PDE10A: variants seen among roughly 807,000 people sequenced by gnomAD.
The protein encoded by PDE10A is cAMP and cAMP-inhibited cGMP 3',5'-cyclic phosphodiesterase 10A.
Under a neutral mutation model 97.7 loss-of-function variants are expected in PDE10A, and 39 were observed. That is an observed-to-expected ratio of 0.40 (90% CI 0.31 to 0.52). PDE10A has a LOEUF of 0.52. PDE10A is among the 20% of genes least tolerant of loss of function. The pLI, the probability that PDE10A is intolerant of heterozygous loss-of-function variation, is 0.56. For missense variants in PDE10A, 731 were observed against 1,047.8 expected (o/e 0.70, Z 4.17); for synonymous variants, 371 against 376.8 (o/e 0.98, Z 0.18).
intron 8 of PDE10A, 148 bp downstream of exon 8, chr6:165,431,274 T>G (rs1022219099): frequency 1.3e-5 from 6 of 475,398 alleles, no homozygotes; most frequent in African/African-American, 2.0e-5. Flanking sequence ...TATAACTGAT[T>G]AAGTTAAAAT....
chr6:165,399,542 A>G (rs1489698194), intron 13 of PDE10A, among the ~76,000 whole-genome samples: 1 of 152,000 alleles, frequency 6.6e-6, no homozygotes, highest in Non-Finnish European at 1.5e-5. Flanking sequence ...TCAACCCGTC[A>G]TTTAACATTA....
chr6:165,502,196 T>C (rs1184339047), intron 2 of PDE10A, among the ~76,000 whole-genome samples: 3 of 152,150 alleles, frequency 2.0e-5, no homozygotes, highest in South Asian at 2.1e-4. Context: ...GGAGAATATA[T>C]TGAGTTAGGC....
At chr6:165,525,666 C>T (rs1044260441) in intron 2 of PDE10A, among the ~76,000 whole-genome samples, 22 of 152,156 alleles carry the variant, frequency 1.4e-4, no homozygotes, top group African/African-American at 5.3e-4. Flanking sequence ...GCGGGAACCA[C>T]AGTCACTCAA....
At chr6:165,339,229 C>A in intron 20 of PDE10A, 49 bp downstream of exon 20, 1 of 1,073,154 alleles carries the variant, frequency 9.3e-7, no homozygotes, top group Non-Finnish European at 1.5e-6. Context: ...TTATGCCCAC[C>A]TTAAACTATT....
chr6:165,431,402 A>G lies in PDE10A; in HGVS notation c.1542+20T>C. 2.5e-6 allele frequency: 4 copies of G among 1,576,474 alleles called. No individual in the cohort carries two copies. The highest frequency in any genetic ancestry group is 2.6e-6 in the Non-Finnish European group (3 of 1,156,106). The stretch of plus-strand genomic sequence containing the variant: ...TCTTCTCCCTTAGGAAGCCCCTGCA[A>G]AAACACCCCAAAGACTCACCTGCAC... On this transcript the variant is annotated intron_variant, in intron 8 of 21. Coordinates refer to ENST00000539869, the MANE Select transcript of PDE10A (RefSeq NM_001385079.1).
chr6:165,929,728 A>C (rs768215183), intron 1 of PDE10A, among the ~76,000 whole-genome samples: 6 of 152,244 alleles, frequency 3.9e-5, no homozygotes, highest in Non-Finnish European at 5.9e-5. Flanking sequence ...GCGTCCCCAC[A>C]AGAAAATCTG....
chr6:165,518,967 G>C (rs1408169556), intron 2 of PDE10A, among the ~76,000 whole-genome samples: 1 of 152,164 alleles, frequency 6.6e-6, no homozygotes, highest in African/African-American at 2.4e-5. Context: ...ATGCATATCA[G>C]TGCATACAGG....
intron 2 of PDE10A, among the ~76,000 whole-genome samples, chr6:165,494,502 A>G (rs1337160896): frequency 8.9e-5 from 13 of 146,390 alleles, no homozygotes; most frequent in Admixed American, 8.9e-4. Context: ...ACATAGTAGT[A>G]TTCCATGGTG....
intron 3 of PDE10A, among the ~76,000 whole-genome samples, chr6:165,469,580 G>A (rs1056417895): frequency 1.3e-5 from 2 of 152,154 alleles, no homozygotes; most frequent in African/African-American, 4.8e-5. Flanking sequence ...AGATGAATAC[G>A]GACTTTTCTT....
intron 1 of PDE10A, among the ~76,000 whole-genome samples, chr6:165,557,100 C>T (rs117020078): frequency 0.08 from 12,121 of 152,008 alleles, 521 homozygotes; most frequent in Non-Finnish European, 0.09. Flanking sequence ...GGTCGTGCCA[C>T]TGCACTCAAG....
chr6:165,958,763 A>AAGAAAG (rs1341280905), intron 1 of PDE10A, among the ~76,000 whole-genome samples: 2 of 149,646 alleles, frequency 1.3e-5, no homozygotes, highest in African/African-American at 5.0e-5. Flanking sequence ...GAAAGAAAGA[A>AAGAAAG]AGAAGAAAGC....
chr6:165,795,970 TA>T (rs969685777), intron 1 of PDE10A, among the ~76,000 whole-genome samples: 5 of 152,200 alleles, frequency 3.3e-5, no homozygotes, highest in Admixed American at 2.0e-4. Flanking sequence ...GTTGGGTTTT[TA>T]AAAAGCTTTT....
rs1437759618 is a variant in PDE10A at position 165,499,589 on chromosome 6, C to A, written c.995-17246G>T. On this transcript the variant is annotated intron_variant, in intron 2 of 21. Coordinates refer to ENST00000539869, the MANE Select transcript of PDE10A (RefSeq NM_001385079.1). ...TTTTTACCTATTTTAAAACTATTAG[C>A]AGCTTATGGCAATGATCAATGAATA... Among the ~76,000 whole-genome samples the A allele has an allele frequency of 2.0e-5, 3 of 152,118 alleles. No homozygotes were observed. In the East Asian group the frequency reaches 5.8e-4, roughly 29 times the overall value.
intron 1 of PDE10A, among the ~76,000 whole-genome samples, chr6:165,967,757 T>C (rs145803336): frequency 6.7e-4 from 102 of 152,324 alleles, no homozygotes; most frequent in African/African-American, 2.4e-3. Context: ...GCCCTGTGAT[T>C]GCTCTATGAC....
At chr6:165,622,064 AT>A (rs2128409712) in intron 1 of PDE10A, among the ~76,000 whole-genome samples, 1 of 152,322 alleles carries the variant, frequency 6.6e-6, no homozygotes, top group Non-Finnish European at 1.5e-5. Context: ...AAACACAGAG[AT>A]TTTCCCAAGA....
At chr6:165,971,837 A>C (rs1163912120) in intron 1 of PDE10A, among the ~76,000 whole-genome samples, 3 of 152,064 alleles carry the variant, frequency 2.0e-5, no homozygotes, top group Non-Finnish European at 4.4e-5. Context: ...TTATTTATTT[A>C]TTTTATTATT....
At chr6:165,676,802 G>A (rs899597413) in intron 1 of PDE10A, among the ~76,000 whole-genome samples, 4 of 152,106 alleles carry the variant, frequency 2.6e-5, no homozygotes, top group Non-Finnish European at 4.4e-5. Flanking sequence ...CTGGGAGGGC[G>A]GAGTGCCGTG....
intron 3 of PDE10A, among the ~76,000 whole-genome samples, chr6:165,451,533 G>C (rs1032149021): frequency 6.6e-6 from 1 of 152,178 alleles, no homozygotes; most frequent in African/African-American, 2.4e-5. Context: ...TTACTATCCA[G>C]CTCAAAACTG....
intron 17 of PDE10A, among the ~76,000 whole-genome samples, chr6:165,380,872 G>A (rs758986230): frequency 1.3e-5 from 2 of 152,208 alleles, no homozygotes; most frequent in African/African-American, 2.4e-5. Context: ...CGTAACTCAC[G>A]TGAAGCAGGT....
Sources: gnomAD v4.1 joint callset for allele counts (sites outside exome capture counted in the v4.1 genomes callset) on GRCh38, gnomAD v4.1.1 for gene constraint, MANE v1.5 for transcripts, NCBI Gene and HGNC (gene_info 2026-07-23, HGNC 2026-07-21) for gene names.